The following SHCBP1 variants were observed in gnomAD, a reference collection of about 807,000 sequenced individuals.
The protein encoded by SHCBP1 is SHC binding and spindle associated 1.
In SHCBP1, 60 loss-of-function variants were observed where a neutral mutation model predicts 75.1. The ratio of observed to expected loss-of-function variants is 0.80; its 90% CI spans 0.65 to 0.99. The LOEUF (loss-of-function observed/expected upper bound fraction) is 0.99, where lower values mean the gene tolerates loss of function less well. SHCBP1 is among the 50% of genes least tolerant of loss of function. The pLI, the probability that SHCBP1 is intolerant of heterozygous loss-of-function variation, is 0.00. For missense variants in SHCBP1, 709 were observed against 809.4 expected (o/e 0.88, Z 1.50); for synonymous variants, 290 against 293.2 (o/e 0.99, Z 0.11).
chr16:46,596,986 C>T (rs1419301802), intron 9 of SHCBP1, among the ~76,000 whole-genome samples: 1 of 152,120 alleles, frequency 6.6e-6, no homozygotes, highest in African/African-American at 2.4e-5. Flanking sequence ...CCTCGGCTGC[C>T]CAAAGTGCTG....
chr16:46,593,446 T>C (rs1390824329), intron 10 of SHCBP1, among the ~76,000 whole-genome samples: 1 of 152,078 alleles, frequency 6.6e-6, no homozygotes, highest in Non-Finnish European at 1.5e-5. Flanking sequence ...AAAACAAAGA[T>C]TTGGCTGGGT....
chr16:46,586,871 A>C lies in SHCBP1; in HGVS notation c.1465-2782T>G, dbSNP rs1034669222. On this transcript the variant is annotated intron_variant, in intron 10 of 12. Coordinates refer to ENST00000303383, the MANE Select transcript of SHCBP1 (RefSeq NM_024745.5). ...GTGAAAATATTCTTCAGGAATGAGG[A>C]GGAAATCAAGATATTCTAAGAAGAA... 1.3e-4 allele frequency among the ~76,000 whole-genome samples: 20 copies of C among 152,276 alleles called. No individual in the cohort carries two copies. The South Asian group carries it at 3.7e-3, about 28-fold the overall frequency.
At chr16:46,588,278 G>A (rs1229825353) in intron 10 of SHCBP1, among the ~76,000 whole-genome samples, 1 of 151,972 alleles carries the variant, frequency 6.6e-6, no homozygotes, top group Non-Finnish European at 1.5e-5. Context: ...GCAAGAGAAA[G>A]CACATTCCAA....
chr16:46,603,663 G>C lies in SHCBP1; in HGVS notation c.1093-4C>G, dbSNP rs1420661794. The C allele has an allele frequency of 6.2e-7, 1 of 1,613,988 alleles. No homozygotes were observed. Among genetic ancestry groups the C allele is most frequent in the South Asian group, 1.1e-5 (1 of 91,064 alleles). On this transcript the variant is annotated splice_region_variant and splice_polypyrimidine_tract_variant and intron_variant, in intron 7 of 12. Transcript: ENST00000303383. The stretch of plus-strand genomic sequence containing the variant: ...CAGACAATGGATCACTATGGAACTA[G>C]AAAACAATAAGAACACATTTGTAAA...
intron 8 of SHCBP1, among the ~76,000 whole-genome samples, chr16:46,603,021 G>A (rs1295514250): frequency 2.0e-5 from 3 of 152,078 alleles, no homozygotes; most frequent in South Asian, 2.1e-4. Context: ...TGTGACATTC[G>A]GCAAGCATTT....
At chr16:46,595,145 T>TG (rs1965114628) in intron 10 of SHCBP1, among the ~76,000 whole-genome samples, 1 of 152,146 alleles carries the variant, frequency 6.6e-6, no homozygotes, top group Non-Finnish European at 1.5e-5. Context: ...GGGGTCCCTG[T>TG]GGTGATGGGA....
In SHCBP1 at chr16:46,618,328, C is replaced by T; in HGVS notation, c.148G>A (p.Asp50Asn). ...CTTTGTAAACTAGAACCTGGTTTAT[C>T]ACGGTAGCTACAATCACTGCATGAA... ...EDSCSDCSYRDKPGSSLQSFM... is the reference protein window; with the variant it reads ...EDSCSDCSYRNKPGSSLQSFM... The change falls in exon 2 of 13, where the codon GAT (aspartate) becomes AAT (asparagine). Residue 50 changes from aspartate (D) to asparagine (N), a missense_variant. Coordinates refer to ENST00000303383, the MANE Select transcript of SHCBP1 (RefSeq NM_024745.5). The T allele has an allele frequency of 6.2e-7, 1 of 1,612,704 alleles. No individual in the cohort carries two copies. Among genetic ancestry groups the T allele is most frequent in the Non-Finnish European group, 8.5e-7 (1 of 1,179,618 alleles).
Position 46,603,496 on chromosome 16 carries a change from C to G in SHCBP1, c.1213+43G>C, listed in dbSNP as rs1307558270. On this transcript the variant is annotated intron_variant, in intron 8 of 12. Transcript: ENST00000303383. ...ATTGGTGATTTATTGTTTACTTAAA[C>G]ATATCACGTGTGAGAGTTTGGTTGT... 6.8e-6 allele frequency: 11 copies of G among 1,610,990 alleles called. No individual in the cohort carries two copies. In the Admixed American group the frequency reaches 1.7e-4, roughly 25 times the overall value.
In SHCBP1 at chr16:46,618,187, A is replaced by AG. The variant is rs765757960; in HGVS notation, c.271+17dup. The AG allele has an allele frequency of 7.8e-5, 123 of 1,571,234 alleles. No homozygotes were observed. The highest frequency in any genetic ancestry group is 1.0e-4 in the Non-Finnish European group (121 of 1,164,568). On this transcript the variant is annotated intron_variant, in intron 2 of 12. Coordinates refer to ENST00000303383, the MANE Select transcript of SHCBP1 (RefSeq NM_024745.5). ...GCGAAACTCCATCTCAAAAAAAAAA[A>AG]GCAAAAAACCTACTCACCTAAAATG... is the stretch of plus-strand genomic sequence containing the variant.
In SHCBP1 at chr16:46,615,989, A is replaced by C. The variant is rs777226287; in HGVS notation, c.553T>G (p.Ser185Ala). The C allele has an allele frequency of 6.2e-7, 1 of 1,614,126 alleles. No homozygotes were observed. The highest frequency in any genetic ancestry group is 2.2e-5 in the East Asian group (1 of 44,870). ...AGGGCTGTCTGGTCAAACACTCCTG[A>C]ATCATCAAACACCACCCACAGCTCC... ...LQELWVVFDD[S>A]GVFDQTALAI... The change falls in exon 4 of 13, where the codon TCA (serine) becomes GCA (alanine). Residue 185 changes from serine (S) to alanine (A), a missense_variant. Physicochemically the swap from Ser to Ala is moderately conservative, Grantham distance 99 (BLOSUM62 1). Transcript: ENST00000303383.
intron 5 of SHCBP1, among the ~76,000 whole-genome samples, chr16:46,607,925 TCAAA>T (rs1190627780): frequency 1.3e-5 from 2 of 152,252 alleles, no homozygotes; most frequent in Non-Finnish European, 2.9e-5. Context: ...TCACTGTTTT[TCAAA>T]CAATCGAATT....
At chr16:46,611,533 T>C (rs767320364) in intron 4 of SHCBP1, among the ~76,000 whole-genome samples, 2 of 152,262 alleles carry the variant, frequency 1.3e-5, no homozygotes, top group Non-Finnish European at 2.9e-5. Context: ...AATAATTATC[T>C]TGTTTGCATT....
At chr16:46,608,888 C>T (rs1334139924) in intron 4 of SHCBP1, among the ~76,000 whole-genome samples, 1 of 152,064 alleles carries the variant, frequency 6.6e-6, no homozygotes, top group African/African-American at 2.4e-5. Context: ...CATGAGCCAC[C>T]GCGCCCAGCC....
intron 4 of SHCBP1, among the ~76,000 whole-genome samples, chr16:46,610,588 CT>C (rs1965400571): frequency 3.5e-5 from 1 of 28,520 alleles, no homozygotes; most frequent in Non-Finnish European, 7.8e-5. Context: ...CAGTGTGGTG[CT>C]CTGTTGCCCA....
chr16:46,604,879 A>G (rs1965301666), intron 5 of SHCBP1, among the ~76,000 whole-genome samples: 1 of 152,232 alleles, frequency 6.6e-6, no homozygotes, highest in Admixed American at 6.5e-5. Context: ...TTGTTTCACA[A>G]CAATGTTTAA....
At position 46,581,630 on chromosome 16, in the gene SHCBP1, A is replaced by G. The variant is rs1041836886; in HGVS notation, c.*99T>C. 8.8e-7 allele frequency: 1 copy of G among 1,131,384 alleles called. No homozygotes were observed. The highest frequency in any genetic ancestry group is 1.6e-5 in the African/African-American group (1 of 64,130). The allele number at this position is 1,131,384 out of a possible 1,614,324, so 70.1% of individuals were successfully genotyped here. On this transcript the variant is annotated 3_prime_UTR_variant, in exon 13 of 13. Coordinates refer to ENST00000303383, the MANE Select transcript of SHCBP1 (RefSeq NM_024745.5). ...TTCACTCAAGCCCAAATAATCAAAT[A>G]TAAAATACAGACAATACAGCAAACT...
intron 5 of SHCBP1, among the ~76,000 whole-genome samples, chr16:46,607,585 A>C (rs753727912): frequency 6.6e-6 from 1 of 152,174 alleles, no homozygotes; most frequent in African/African-American, 2.4e-5. Flanking sequence ...GAAAAAAATC[A>C]TCTTTCACCC....
rs1965503497 is a variant in SHCBP1 at position 46,616,584 on chromosome 16, G to A, written c.388-430C>T. On this transcript the variant is annotated intron_variant, in intron 3 of 12. Transcript: ENST00000303383. This position sits in a 1 kb window ranked among gnomAD's most constrained non-coding sequence, Gnocchi z 4.4. ...AAGGGAGGAAATGGAGGAGGGGGGC[G>A]GTGTGCAGTGGAGCAGCAAGATATG... Among the ~76,000 whole-genome samples, 1 of 152,118 alleles carries A rather than the reference G, an allele frequency of 6.6e-6. No individual in the cohort carries two copies.
In SHCBP1 at chr16:46,616,257, G is replaced by T; in HGVS notation, c.388-103C>A. On this transcript the variant is annotated intron_variant, in intron 3 of 12. Coordinates refer to ENST00000303383, the MANE Select transcript of SHCBP1 (RefSeq NM_024745.5). This position sits in a 1 kb window ranked among gnomAD's most constrained non-coding sequence, Gnocchi z 4.4. ...ATTTTTTTAAAAGCATACAACATGG[G>T]TGGGGAGGCTTTACCCATAATATAA... 8.7e-7 allele frequency: 1 copy of T among 1,147,794 alleles called. No individual in the cohort carries two copies. The highest frequency in any genetic ancestry group is 1.3e-6 in the Non-Finnish European group (1 of 797,918). 71.1% of individuals were successfully genotyped at this position (1,147,794 alleles called of 1,614,324 possible). A position where few individuals can be genotyped will look rare whatever the true frequency, so the allele number is the denominator to read the frequency against.
Sources: allele counts gnomAD v4.1 joint callset (sites outside exome capture counted in the v4.1 genomes callset), GRCh38; gene constraint gnomAD v4.1.1; non-coding constraint Gnocchi (gnomAD v3.1); transcripts MANE v1.5; gene names NCBI Gene and HGNC (gene_info 2026-07-23, HGNC 2026-07-21).